The following CBR4 variants were observed in gnomAD, a reference collection of about 807,000 sequenced individuals.
The protein encoded by CBR4 is carbonyl reductase 4.
In CBR4, 22 loss-of-function variants were observed where a neutral mutation model predicts 21.0. The ratio of observed to expected loss-of-function variants is 1.05; its 90% CI spans 0.75 to 1.50. The LOEUF (loss-of-function observed/expected upper bound fraction) is 1.50. CBR4 is among the 40% of genes most tolerant of loss of function. CBR4 has a pLI of 0.00. For synonymous variants in CBR4, 100 were observed against 104.4 expected, an observed-to-expected ratio of 0.96 and a Z score of 0.26; for missense variants, 302 against 286.3, an observed-to-expected ratio of 1.05 and a Z score of -0.40.
intron 4 of CBR4, among the ~76,000 whole-genome samples, chr4:168,999,219 A>C (rs1730195116): frequency 6.6e-6 from 1 of 152,044 alleles, no homozygotes; most frequent in South Asian, 2.1e-4. Flanking sequence ...TCCTGTTATA[A>C]TTTGCTTTTA....
intron 2 of CBR4, among the ~76,000 whole-genome samples, chr4:168,922,429 T>C (rs765612167): frequency 6.6e-6 from 1 of 152,244 alleles, no homozygotes; most frequent in Admixed American, 6.5e-5. Context: ...TATGTATCAG[T>C]TGGCCCTCAC....
In CBR4 at chr4:169,010,073, G is replaced by A. The variant is rs1043730259; in HGVS notation, c.17C>T (p.Ala6Val). The change falls in exon 1 of 5, where the codon GCT becomes GTT. Residue 6 changes from alanine to valine, a missense_variant. Physicochemically the swap from Ala to Val is moderately conservative, Grantham distance 64. Transcript: ENST00000306193. MDKVC[A>V]VFGGSRGIGR... ...AATGCCTCGGGAGCCTCCAAAAACA[G>A]CACACACTTTGTCCATCTCGGAGTC... The A allele has an allele frequency of 3.7e-6, 6 of 1,612,826 alleles. No individual in the cohort carries two copies. Among genetic ancestry groups the A allele is most frequent in the South Asian group, 2.2e-5 (2 of 90,976 alleles).
In CBR4 at chr4:168,946,993, T is replaced by C. The variant is rs965407239; in HGVS notation, n.170-52228A>G. 5.3e-5 allele frequency among the ~76,000 whole-genome samples: 8 copies of C among 152,276 alleles called. No individual in the cohort carries two copies. The East Asian group carries it at 1.3e-3, about 26-fold the overall frequency. The stretch of plus-strand genomic sequence containing the variant: ...TACAGAAAACCACATAAAACAAATA[T>C]ATACCTTAGCAATTTATTATAAGGC... On this transcript the variant is annotated intron_variant and non_coding_transcript_variant, in intron 2 of 3. Coordinates refer to the CBR4 transcript ENST00000509108.
At chr4:168,918,191 A>C (rs1206928340) in intron 2 of CBR4, among the ~76,000 whole-genome samples, 138 of 141,412 alleles carry the variant, frequency 9.8e-4, no homozygotes, top group African/African-American at 3.4e-3. Context: ...TCTCCCCCAC[A>C]AAAAAAAAAA....
At chr4:168,961,836 G>A (rs1218098832) in intron 2 of CBR4, among the ~76,000 whole-genome samples, 1 of 152,170 alleles carries the variant, frequency 6.6e-6, no homozygotes, top group East Asian at 1.9e-4. Context: ...GTTACAGTGA[G>A]CCAAGATCGT....
intron 2 of CBR4, among the ~76,000 whole-genome samples, chr4:168,945,757 G>A (rs1389814283): frequency 6.6e-6 from 1 of 152,160 alleles, no homozygotes; most frequent in Non-Finnish European, 1.5e-5. Flanking sequence ...TCCAGTTAAA[G>A]GTAGTACCTT....
intron 2 of CBR4, among the ~76,000 whole-genome samples, chr4:168,958,283 C>T (rs1258089711): frequency 1.3e-5 from 2 of 151,886 alleles, no homozygotes; most frequent in Non-Finnish European, 2.9e-5. Flanking sequence ...AAAAAAATTA[C>T]CCACTGTCAG....
intron 2 of CBR4, among the ~76,000 whole-genome samples, chr4:168,914,478 C>A (rs1034210842): frequency 8.5e-5 from 13 of 152,118 alleles, no homozygotes; most frequent in Non-Finnish European, 1.5e-4. Context: ...AACATAAGAC[C>A]ATTAGACTAC....
At chr4:168,931,296 G>T (rs1314885781) in intron 2 of CBR4, among the ~76,000 whole-genome samples, 2 of 152,058 alleles carry the variant, frequency 1.3e-5, no homozygotes, top group Admixed American at 1.3e-4. Context: ...CTACCTCCAT[G>T]GACATGCCTC....
At chr4:168,944,457 G>A (rs1185258882) in intron 2 of CBR4, among the ~76,000 whole-genome samples, 2 of 151,760 alleles carry the variant, frequency 1.3e-5, no homozygotes, top group Non-Finnish European at 2.9e-5. Flanking sequence ...CAGCCTGGGA[G>A]ACAAAGTGAG....
chr4:168,953,605 T>TA (rs1560960663), intron 2 of CBR4, among the ~76,000 whole-genome samples: 1 of 151,578 alleles, frequency 6.6e-6, no homozygotes, highest in African/African-American at 2.4e-5. Flanking sequence ...TTTTTTTTTT[T>TA]ATAGAGACAG....
At chr4:168,926,894 C>G (rs1274276647) in intron 2 of CBR4, 1 of 219,042 alleles carries the variant, frequency 4.6e-6, no homozygotes, top group African/African-American at 2.2e-5. Context: ...AAGTAAATGC[C>G]TTGTCTTTGC....
intron 2 of CBR4, among the ~76,000 whole-genome samples, chr4:168,920,940 A>G (rs1461362345): frequency 6.6e-6 from 1 of 152,092 alleles, no homozygotes; most frequent in Non-Finnish European, 1.5e-5. Flanking sequence ...TCATCCCATT[A>G]ATCTCCATAG....
At chr4:168,942,666 TAATC>T (rs1174680280) in intron 2 of CBR4, among the ~76,000 whole-genome samples, 2 of 152,084 alleles carry the variant, frequency 1.3e-5, no homozygotes, top group South Asian at 2.1e-4. Flanking sequence ...GCAAAGGAAA[TAATC>T]AACACAGTGA....
chr4:168,956,872 G>C (rs1057458985), intron 2 of CBR4, among the ~76,000 whole-genome samples: 1 of 152,000 alleles, frequency 6.6e-6, no homozygotes, highest in Non-Finnish European at 1.5e-5. Context: ...TGCAAAATAC[G>C]TGAAACCCTA....
intron 2 of CBR4, among the ~76,000 whole-genome samples, chr4:168,902,761 A>C (rs1317345081): frequency 1.1e-4 from 17 of 152,114 alleles, no homozygotes; most frequent in Admixed American, 1.1e-3. Flanking sequence ...TATTTAATCA[A>C]AATTTACTTT....
At chr4:168,898,720 C>G in intron 2 of CBR4, 1 of 1,592,076 alleles carries the variant, frequency 6.3e-7, no homozygotes, top group Non-Finnish European at 8.6e-7. Flanking sequence ...CAAAGGTGAG[C>G]TGGGAGATGG....
At chr4:168,955,820 C>T (rs963532211) in intron 2 of CBR4, among the ~76,000 whole-genome samples, 1 of 152,096 alleles carries the variant, frequency 6.6e-6, no homozygotes, top group Non-Finnish European at 1.5e-5. Flanking sequence ...AGCTATGCAG[C>T]AGCAATGGCC....
intron 4 of CBR4, 86 bp downstream of exon 4, chr4:169,001,985 A>G: frequency 8.3e-7 from 1 of 1,201,506 alleles, no homozygotes; most frequent in Non-Finnish European, 1.1e-6. Context: ...TATTCTACCC[A>G]GATGTCAATT....
Sources: allele counts gnomAD v4.1 joint callset (sites outside exome capture counted in the v4.1 genomes callset), GRCh38; gene constraint gnomAD v4.1.1; transcripts MANE v1.5; gene names NCBI Gene and HGNC (gene_info 2026-07-23, HGNC 2026-07-21).